ILDR2: variants seen among roughly 807,000 people sequenced by gnomAD.
The protein encoded by ILDR2 is immunoglobulin like domain containing receptor 2.
In ILDR2, 25 loss-of-function variants were observed where a neutral mutation model predicts 66.8. That is an observed-to-expected ratio of 0.37 (90% CI 0.27 to 0.52). The LOEUF is 0.52. Among genes scored for constraint, ILDR2 ranks in the 20% least tolerant of loss-of-function variants. The pLI is 0.88. For synonymous variants in ILDR2, 367 were observed against 357.2 expected, an observed-to-expected ratio of 1.03 and a Z score of -0.31; for missense variants, 827 against 876.8, an observed-to-expected ratio of 0.94 and a Z score of 0.72.
Position 166,911,466 on chromosome 1 carries a change from T to G in ILDR2, c.*7889A>C, listed in dbSNP as rs987290543. 6.6e-6 allele frequency: 1 copy of G among 152,116 alleles called. No individual in the cohort carries two copies. The highest frequency in any genetic ancestry group is 1.5e-5 in the Non-Finnish European group (1 of 68,028). 9.4% of individuals were successfully genotyped at this position (152,116 alleles called of 1,614,324 possible). A position where few individuals can be genotyped will look rare whatever the true frequency, so the allele number is the denominator to read the frequency against. On this transcript the variant is annotated 3_prime_UTR_variant, in exon 10 of 10. Transcript: ENST00000271417. ...TTTTCTTGACTGGCACAATGTAATATGGCATTGCACCACACATGAGCTTAA... is the reference window on the plus strand; with the variant it reads ...TTTTCTTGACTGGCACAATGTAATAGGGCATTGCACCACACATGAGCTTAA...
At chr1:166,897,019 C>T (rs1659178783) in intron 2 of ILDR2, among the ~76,000 whole-genome samples, 1 of 152,188 alleles carries the variant, frequency 6.6e-6, no homozygotes, top group Admixed American at 6.5e-5. Context: ...TTGCACATTG[C>T]TGCTATACGC....
chr1:166,924,471 T>C (rs574872087), intron 7 of ILDR2, among the ~76,000 whole-genome samples: 1 of 152,358 alleles, frequency 6.6e-6, no homozygotes, highest in South Asian at 2.1e-4. Flanking sequence ...CTAAGTTGTA[T>C]ATTGTGCTAA....
intron 1 of ILDR2, among the ~76,000 whole-genome samples, chr1:166,972,645 G>C (rs1055888710): frequency 6.6e-6 from 1 of 152,064 alleles, no homozygotes; most frequent in African/African-American, 2.4e-5. Flanking sequence ...AGAGCCTGGA[G>C]GAAAAAACTG....
chr1:166,896,707 C>T lies in ILDR2; in HGVS notation n.172-606G>A, dbSNP rs534339193. Among the ~76,000 whole-genome samples, 5 of 149,702 alleles carry T rather than the reference C, an allele frequency of 3.3e-5. No individual in the cohort carries two copies. In the South Asian group the frequency reaches 8.5e-4, roughly 25 times the overall value. ...CTGGAGTGCAATGGCACGATTTTGG[C>T]TCACTGCAACCTCCGCCTCCCAGGT... On this transcript the variant is annotated intron_variant and non_coding_transcript_variant, in intron 2 of 2. Coordinates refer to the ILDR2 transcript ENST00000414590.
At position 166,922,887 on chromosome 1, in the gene ILDR2, T is replaced by C. The variant is rs145332340; in HGVS notation, c.995-78A>G. On this transcript the variant is annotated intron_variant, in intron 7 of 9. Coordinates refer to ENST00000271417, the MANE Select transcript of ILDR2 (RefSeq NM_199351.3). ...ACAGGAAGAGAATCCTGTTAAGGGC[T>C]GAGACCCTAGGCTCCAGGAAACTCC... The C allele has an allele frequency of 1.6e-4, 208 of 1,293,046 alleles. 1 individual carries two copies. In the East Asian group the frequency reaches 4.1e-3, roughly 26 times the overall value. The allele number at this position is 1,293,046 out of a possible 1,614,324, so 80.1% of individuals were successfully genotyped here.
At chr1:166,964,241 GACC>G (rs1662801667) in intron 1 of ILDR2, among the ~76,000 whole-genome samples, 1 of 151,968 alleles carries the variant, frequency 6.6e-6, no homozygotes, top group Non-Finnish European at 1.5e-5. Flanking sequence ...ATCATTCTTA[GACC>G]ACCAGACTAT....
At chr1:166,941,707 A>G (rs1661320992) in intron 3 of ILDR2, among the ~76,000 whole-genome samples, 1 of 152,212 alleles carries the variant, frequency 6.6e-6, no homozygotes, top group Non-Finnish European at 1.5e-5. Context: ...TTGTAAATAT[A>G]TATCTTGGTG....
Position 166,939,666 on chromosome 1 carries a change from G to A in ILDR2, c.500-96C>T, listed in dbSNP as rs376524496. The A allele has an allele frequency of 9.1e-5, 83 of 909,726 alleles. No individual in the cohort carries two copies. In the East Asian group the frequency reaches 1.3e-3, roughly 14 times the overall value. The allele number at this position is 909,726 out of a possible 1,614,324, so 56.4% of individuals were successfully genotyped here. A position where few individuals can be genotyped will look rare whatever the true frequency, so the allele number is the denominator to read the frequency against. Reference sequence around the variant, plus strand: ...TCCAGTTGGTACCATCCACACGTGCGGCCATTAGTGCATGCTCTTTGTGAT... The same window carrying A: ...TCCAGTTGGTACCATCCACACGTGCAGCCATTAGTGCATGCTCTTTGTGAT... On this transcript the variant is annotated intron_variant, in intron 3 of 9. Transcript: ENST00000271417.
intron 1 of ILDR2, among the ~76,000 whole-genome samples, chr1:166,973,849 A>C (rs1364209252): frequency 6.6e-6 from 1 of 152,170 alleles, no homozygotes; most frequent in Non-Finnish European, 1.5e-5. Flanking sequence ...AACTCAAAGC[A>C]GCCAAAAGAA....
chr1:166,921,421 C>T lies in ILDR2; in HGVS notation c.1212-42G>A, dbSNP rs544878151. 1 of 1,487,988 alleles carries T rather than the reference C, an allele frequency of 6.7e-7. No individual in the cohort carries two copies. The highest frequency in any genetic ancestry group is 2.3e-5 in the East Asian group (1 of 42,934). The allele number at this position is 1,487,988 out of a possible 1,614,324, so 92.2% of individuals were successfully genotyped here. ...AGGGGGTCAGACGGCCGGTCCCTCC[C>T]TGGAGCTCCAGGTAGGGCTCCCAAG... On this transcript the variant is annotated intron_variant, in intron 8 of 9. Coordinates refer to ENST00000271417, the MANE Select transcript of ILDR2 (RefSeq NM_199351.3). This position sits in a 1 kb window ranked among gnomAD's most constrained non-coding sequence, Gnocchi z 5.3.
intron 2 of ILDR2, among the ~76,000 whole-genome samples, chr1:166,897,967 C>A (rs561349170): frequency 3.3e-5 from 5 of 152,180 alleles, no homozygotes; most frequent in Non-Finnish European, 7.4e-5. Context: ...GAGCTTGCAG[C>A]TGGCATCTGA....
chr1:166,952,986 A>T (rs981103402), intron 3 of ILDR2, among the ~76,000 whole-genome samples: 1 of 152,178 alleles, frequency 6.6e-6, no homozygotes, highest in Non-Finnish European at 1.5e-5. Context: ...TATAAACTAC[A>T]ACTTATTTTC....
chr1:166,910,787 A>G lies in ILDR2; in HGVS notation c.*8568T>C, dbSNP rs1319087988. On this transcript the variant is annotated 3_prime_UTR_variant, in exon 10 of 10. Transcript: ENST00000271417. ...AGAACCTGAAATTAGCCTACTTCTT[A>G]TTTCTTGAAATGAAAGCATATAAAA... 6.6e-6 allele frequency: 1 copy of G among 152,254 alleles called. No individual in the cohort carries two copies. The highest frequency in any genetic ancestry group is 1.5e-5 in the Non-Finnish European group (1 of 68,042). The allele number at this position is 152,254 out of a possible 1,614,324, so 9.4% of individuals were successfully genotyped here. A position where few individuals can be genotyped will look rare whatever the true frequency, so the allele number is the denominator to read the frequency against.
rs546527040 is a variant in ILDR2, at chr1:166,952,768, AT to A, written c.499+3964del. On this transcript the variant is annotated intron_variant, in intron 3 of 9. Coordinates refer to ENST00000271417, the MANE Select transcript of ILDR2 (RefSeq NM_199351.3). The stretch of plus-strand genomic sequence containing the variant: ...ACCCACGGCCTCAAGCAGTAACCAC[AT>A]TTTTTTTTTAACATAGCTTATTCTA... 6.8e-3 allele frequency among the ~76,000 whole-genome samples: 1,017 copies of A among 149,820 alleles called. 7 individuals carry two copies. The highest frequency in any genetic ancestry group is 0.015 in the Admixed American group (229 of 15,084).
intron 2 of ILDR2, among the ~76,000 whole-genome samples, chr1:166,899,297 A>G (rs1267022739): frequency 7.3e-5 from 11 of 151,482 alleles, no homozygotes; most frequent in Non-Finnish European, 1.3e-4. Flanking sequence ...GGAGGCTGAG[A>G]CAGGAGACTT....
chr1:166,954,150 T>C (rs1662140465), intron 3 of ILDR2, among the ~76,000 whole-genome samples: 1 of 152,230 alleles, frequency 6.6e-6, no homozygotes, highest in East Asian at 1.9e-4. Context: ...ACTGAGCCAG[T>C]GGTTCATGAA....
Position 166,921,188 on chromosome 1 carries a change from A to G in ILDR2, c.1403T>C (p.Phe468Ser). The change falls in exon 9 of 10, where the codon TTC becomes TCC. Residue 468 changes from phenylalanine to serine, a missense_variant. Physicochemically the swap from Phe to Ser is radical, Grantham distance 155. Around this residue, in one of 2 missense-constraint regions of ILDR2, gnomAD observed 390 missense variants for 353.6 expected, o/e 1.10. Transcript: ENST00000271417. The surrounding 1 kb of genome is among the most constrained non-coding windows in gnomAD (Gnocchi z 5.3). ...ERSESRAHSG[F>S]YQDDSLEEYY... ...CTCCTCCAAGGAGTCGTCCTGGTAGAAGCCGCTGTGCGCCCGCGACTCCGA... is the reference window on the plus strand; with the variant it reads ...CTCCTCCAAGGAGTCGTCCTGGTAGGAGCCGCTGTGCGCCCGCGACTCCGA... The G allele has an allele frequency of 6.4e-7, 1 of 1,571,542 alleles. No individual in the cohort carries two copies. Among genetic ancestry groups the G allele is most frequent in the Non-Finnish European group, 8.6e-7 (1 of 1,165,978 alleles).
At chr1:166,904,135 C>T (rs1264219852), downstream of ILDR2, among the ~76,000 whole-genome samples, 1 of 152,170 alleles carries the variant, frequency 6.6e-6, no homozygotes, top group East Asian at 1.9e-4. Context: ...ATAATTAGTG[C>T]CCAACAAATA....
chr1:166,925,375 G>T (rs919669370), intron 7 of ILDR2, among the ~76,000 whole-genome samples: 1 of 152,202 alleles, frequency 6.6e-6, no homozygotes, highest in Non-Finnish European at 1.5e-5. Flanking sequence ...TAACTTGCAG[G>T]TTCCAGGAGA....
Sources: allele counts gnomAD v4.1 joint callset (sites outside exome capture counted in the v4.1 genomes callset), GRCh38; gene constraint gnomAD v4.1.1; regional missense constraint gnomAD v4.1.1; non-coding constraint Gnocchi (gnomAD v3.1); transcripts MANE v1.5; gene names NCBI Gene and HGNC (gene_info 2026-07-23, HGNC 2026-07-21).